PTPRN2: variants seen among roughly 807,000 people sequenced by gnomAD.
The protein encoded by PTPRN2 is protein tyrosine phosphatase receptor type N2.
A neutral mutation model predicts 118.8 loss-of-function variants in PTPRN2; 74 were observed. That is an observed-to-expected ratio of 0.62 (90% CI 0.52 to 0.76). The LOEUF (loss-of-function observed/expected upper bound fraction) is 0.76. PTPRN2 is among the 30% of genes least tolerant of loss of function. The probability of loss-of-function intolerance (pLI) is 0.00; values close to 1 mark genes in which losing one functional copy is unlikely to be tolerated. For missense variants in PTPRN2, 1,481 were observed against 1,394.4 expected, an observed-to-expected ratio of 1.06 and a Z score of -0.99; for synonymous variants, 641 against 608.0, an observed-to-expected ratio of 1.05 and a Z score of -0.80.
chr7:157,848,892 C>T (rs1809072101), intron 12 of PTPRN2, among the ~76,000 whole-genome samples: 1 of 152,230 alleles, frequency 6.6e-6, no homozygotes, highest in Non-Finnish European at 1.5e-5. Context: ...CCACGGTGTG[C>T]CCTGGACCAC....
intron 13 of PTPRN2, among the ~76,000 whole-genome samples, chr7:157,680,741 A>G (rs1796879743): frequency 1.3e-5 from 2 of 152,134 alleles, no homozygotes; most frequent in African/African-American, 4.8e-5. Flanking sequence ...AGCTAAACCA[A>G]CCAGAAAGTC....
chr7:158,478,472 C>T (rs962695803), intron 2 of PTPRN2, among the ~76,000 whole-genome samples: 6 of 152,156 alleles, frequency 3.9e-5, no homozygotes, highest in East Asian at 3.9e-4. Context: ...GGCAGAGGCC[C>T]GCTCTGCGTC....
intron 2 of PTPRN2, among the ~76,000 whole-genome samples, chr7:158,414,274 A>T (rs1042899490): frequency 2.6e-5 from 4 of 152,072 alleles, no homozygotes; most frequent in African/African-American, 9.7e-5. Flanking sequence ...GCACTAAACC[A>T]TGAGGTTAAG....
At position 157,622,026 on chromosome 7, in the gene PTPRN2, C is replaced by T. The variant is rs558249306; in HGVS notation, c.2197-517G>A. ...CAAATATTTTAACCCTTGGCTGTTT[C>T]GATCTTAATTTTTCTGGTGCTTGTC... is the stretch of plus-strand genomic sequence containing the variant. On this transcript the variant is annotated intron_variant, in intron 14 of 22. Transcript: ENST00000389418. This position sits in a 1 kb window ranked among gnomAD's most constrained non-coding sequence, Gnocchi z 5.3. 2.6e-5 allele frequency among the ~76,000 whole-genome samples: 4 copies of T among 152,070 alleles called. No homozygotes were observed. Among genetic ancestry groups the T allele is most frequent in the Admixed American group, 6.5e-5 (1 of 15,268 alleles).
chr7:157,571,977 C>T (rs531979397), intron 19 of PTPRN2, among the ~76,000 whole-genome samples: 4 of 152,280 alleles, frequency 2.6e-5, no homozygotes, highest in South Asian at 4.1e-4. Flanking sequence ...ATTTGTGACC[C>T]GTCAGCTTTT....
At position 158,169,573 on chromosome 7, in the gene PTPRN2, G is replaced by A. The variant is rs541204367; in HGVS notation, c.550-2282C>T. 2.0e-4 allele frequency among the ~76,000 whole-genome samples: 30 copies of A among 151,898 alleles called. 1 individual carries two copies. Among genetic ancestry groups the A allele is most frequent in the East Asian group, 7.8e-4 (4 of 5,138 alleles). ...TGGGATTACAGGCGTGAGCCACCGCGCCTGGCCAGGTTGAATTAGGTTCTG... is the reference window on the plus strand; with the variant it reads ...TGGGATTACAGGCGTGAGCCACCGCACCTGGCCAGGTTGAATTAGGTTCTG... On this transcript the variant is annotated intron_variant, in intron 5 of 22. Coordinates refer to ENST00000389418, the MANE Select transcript of PTPRN2 (RefSeq NM_002847.5).
intron 2 of PTPRN2, among the ~76,000 whole-genome samples, chr7:158,342,020 C>A (rs1187010406): frequency 7.7e-6 from 1 of 130,690 alleles, no homozygotes; most frequent in Non-Finnish European, 1.7e-5. Context: ...GTCACTCACA[C>A]CCACACTCTC....
intron 5 of PTPRN2, among the ~76,000 whole-genome samples, chr7:158,189,372 TG>T (rs1271082449): frequency 6.6e-6 from 1 of 152,238 alleles, no homozygotes; most frequent in East Asian, 1.9e-4. Flanking sequence ...AGCATGATGA[TG>T]GGTTCAAAAT....
Position 157,682,748 on chromosome 7 carries a change from C to T in PTPRN2, c.1978G>A (p.Ala660Thr), listed in dbSNP as rs1796972402. The T allele has an allele frequency of 6.2e-7, 1 of 1,613,790 alleles. No homozygotes were observed. ...ACCTGGTAGGCGGCAGTGGCATCTG[C>T]ACCTGGGTCGCCCCCTAGTCCCGAG... ...KLSGLGGDPGADATAAYQELC... is the reference protein window; with the variant it reads ...KLSGLGGDPGTDATAAYQELC... Residue 660 changes from alanine to threonine, a missense_variant, in exon 13 of 23, where the codon GCA (alanine) becomes ACA (threonine). Physicochemically the swap from Ala to Thr is moderately conservative, Grantham distance 58. Coordinates refer to ENST00000389418, the MANE Select transcript of PTPRN2 (RefSeq NM_002847.5).
At chr7:157,709,529 C>T (rs1798493767) in intron 12 of PTPRN2, among the ~76,000 whole-genome samples, 1 of 152,164 alleles carries the variant, frequency 6.6e-6, no homozygotes, top group Non-Finnish European at 1.5e-5. Flanking sequence ...CCCTCCTTCC[C>T]TCCCAAGTGG....
chr7:157,623,239 T>C (rs1458805877), intron 14 of PTPRN2, among the ~76,000 whole-genome samples: 1 of 152,216 alleles, frequency 6.6e-6, no homozygotes, highest in Non-Finnish European at 1.5e-5. Context: ...GACCAGCTCA[T>C]CTAGCCCAAA....
At chr7:158,033,156 TGACAGAGCCA>T (rs1807808334) in intron 11 of PTPRN2, among the ~76,000 whole-genome samples, 1 of 77,252 alleles carries the variant, frequency 1.3e-5, no homozygotes, top group African/African-American at 7.0e-5. Context: ...CCACCAAGCC[TGACAGAGCCA>T]TTGGGGGCCA....
At chr7:157,984,265 C>A (rs1425217874) in intron 11 of PTPRN2, among the ~76,000 whole-genome samples, 1 of 52,068 alleles carries the variant, frequency 1.9e-5, no homozygotes, top group Non-Finnish European at 4.2e-5. Context: ...ACGCCAGGCT[C>A]CACCCCCCAC....
At chr7:158,341,691 G>C (rs372122302) in intron 2 of PTPRN2, among the ~76,000 whole-genome samples, 33 of 60,032 alleles carry the variant, frequency 5.5e-4, no homozygotes, top group Admixed American at 9.2e-4. Flanking sequence ...CGCCCGCAGA[G>C]GTCACTCACA....
At chr7:157,846,917 T>C (rs71543613) in intron 12 of PTPRN2, among the ~76,000 whole-genome samples, 41 of 128,122 alleles carry the variant, frequency 3.2e-4, no homozygotes, top group East Asian at 9.8e-4. Context: ...CATGTGTGCC[T>C]GATGTTTACA....
intron 5 of PTPRN2, among the ~76,000 whole-genome samples, chr7:158,182,496 C>T (rs1365477320): frequency 6.6e-6 from 1 of 152,140 alleles, no homozygotes; most frequent in Non-Finnish European, 1.5e-5. Context: ...TCAGCAGGCC[C>T]TGGTGTGTGT....
intron 12 of PTPRN2, among the ~76,000 whole-genome samples, chr7:157,730,065 T>C (rs746838625): frequency 3.9e-5 from 6 of 152,176 alleles, no homozygotes; most frequent in Non-Finnish European, 8.8e-5. Context: ...AATAACGATA[T>C]GGGCTTATAG....
In PTPRN2 at chr7:157,598,085, G is replaced by C. The variant is rs1034623979; in HGVS notation, c.2419-2770C>G. On this transcript the variant is annotated intron_variant, in intron 16 of 22. Transcript: ENST00000389418. This position sits in a 1 kb window ranked among gnomAD's most constrained non-coding sequence, Gnocchi z 5.2. ...AGATTTTACTACATTTAAGGTTTTC[G>C]GGCAGGATAAGTGGCTGTGGAGGAA... Among the ~76,000 whole-genome samples, 1 of 152,150 alleles carries C rather than the reference G, an allele frequency of 6.6e-6. No individual in the cohort carries two copies. The highest frequency in any genetic ancestry group is 1.5e-5 in the Non-Finnish European group (1 of 68,038).
rs370363222 is a variant in PTPRN2, at chr7:158,280,628, G to A, written c.277+36191C>T. On this transcript the variant is annotated intron_variant, in intron 3 of 22. Coordinates refer to ENST00000389418, the MANE Select transcript of PTPRN2 (RefSeq NM_002847.5). ...ATGAAAGGAGGAGCCGAGAGAGCCT[G>A]GGGGAGCCGGACGGGTGCGGCCCGA... Among the ~76,000 whole-genome samples the A allele has an allele frequency of 5.9e-5, 9 of 152,368 alleles. 1 individual carries two copies. In the South Asian group the frequency reaches 1.9e-3, roughly 32 times the overall value.
Sources: gnomAD v4.1 joint callset for allele counts (sites outside exome capture counted in the v4.1 genomes callset) on GRCh38, gnomAD v4.1.1 for gene constraint, Gnocchi (gnomAD v3.1) non-coding constraint, MANE v1.5 for transcripts, NCBI Gene and HGNC (gene_info 2026-07-23, HGNC 2026-07-21) for gene names.